The following PTPN14 variants were observed in gnomAD, a reference collection of about 807,000 sequenced individuals.
PTPN14 encodes tyrosine-protein phosphatase non-receptor type 14.
PTPN14 carries 53 observed loss-of-function variants against 126.8 expected under a neutral mutation model. That is an observed-to-expected ratio of 0.42 (90% CI 0.34 to 0.53). The LOEUF (loss-of-function observed/expected upper bound fraction) is 0.53, where lower values mean the gene tolerates loss of function less well. Ranked by LOEUF, PTPN14 falls within the 20% of genes least tolerant of loss-of-function variation. The probability of loss-of-function intolerance (pLI) is 0.08; values close to 1 mark genes in which losing one functional copy is unlikely to be tolerated. For missense variants in PTPN14, 1,257 were observed against 1,552.9 expected (o/e 0.81, Z 3.20); for synonymous variants, 630 against 599.3 (o/e 1.05, Z -0.75).
chr1:214,546,755 C>G (rs1019340475), intron 1 of PTPN14, among the ~76,000 whole-genome samples: 7 of 152,090 alleles, frequency 4.6e-5, no homozygotes. Context: ...CGGGGTCAAA[C>G]TAATTGACGA....
chr1:214,448,571 A>G (rs1034203640), intron 3 of PTPN14, among the ~76,000 whole-genome samples: 2 of 152,196 alleles, frequency 1.3e-5, no homozygotes, highest in Admixed American at 1.3e-4. Context: ...ATTTTAAACA[A>G]TAACATCCTC....
At chr1:214,362,131 A>G (rs1657970398) in intron 18 of PTPN14, among the ~76,000 whole-genome samples, 1 of 152,142 alleles carries the variant, frequency 6.6e-6, no homozygotes, top group African/African-American at 2.4e-5. Context: ...CACAAAATAA[A>G]CTAAACATGG....
chr1:214,536,177 T>TGGGGGA (rs1655700063), intron 1 of PTPN14, among the ~76,000 whole-genome samples: 1 of 28,172 alleles, frequency 3.5e-5, no homozygotes, highest in Non-Finnish European at 7.1e-5. Context: ...GGGGTGGGGG[T>TGGGGGA]GGGGGAGATA....
At chr1:214,391,647 C>A (rs1043132751) in intron 10 of PTPN14, among the ~76,000 whole-genome samples, 1 of 150,730 alleles carries the variant, frequency 6.6e-6, no homozygotes, top group Non-Finnish European at 1.5e-5. Context: ...ATCAAAGACG[C>A]CTTCAAGCAA....
At chr1:214,359,049 A>T (rs1200699238) in intron 18 of PTPN14, among the ~76,000 whole-genome samples, 1 of 151,796 alleles carries the variant, frequency 6.6e-6, no homozygotes, top group Non-Finnish European at 1.5e-5. Context: ...TGACCTCATT[A>T]TTCCTTTATT....
chr1:214,550,068 T>C (rs916189638), intron 1 of PTPN14, among the ~76,000 whole-genome samples: 1 of 152,198 alleles, frequency 6.6e-6, no homozygotes, highest in Non-Finnish European at 1.5e-5. Flanking sequence ...TAGTGCACCC[T>C]TCACCAGGAC....
intron 1 of PTPN14, among the ~76,000 whole-genome samples, chr1:214,549,446 T>C (rs1189214937): frequency 1.3e-5 from 2 of 152,118 alleles, no homozygotes; most frequent in Non-Finnish European, 2.9e-5. Flanking sequence ...ATAACAAACT[T>C]AGTGACATAC....
chr1:214,369,269 CAG>C (rs1658157088), intron 17 of PTPN14, among the ~76,000 whole-genome samples, 186 bp downstream of exon 17: 1 of 152,082 alleles, frequency 6.6e-6, no homozygotes, highest in Non-Finnish European at 1.5e-5. Context: ...GAAAGGTAAA[CAG>C]AATAAGTGAC....
At chr1:214,534,813 C>T (rs763697636) in intron 1 of PTPN14, among the ~76,000 whole-genome samples, 47 of 152,110 alleles carry the variant, frequency 3.1e-4, no homozygotes, top group Non-Finnish European at 1.9e-4. Context: ...CTGTGACTTG[C>T]CTGGGAATCA....
intron 3 of PTPN14, among the ~76,000 whole-genome samples, chr1:214,420,812 T>C (rs550935333): frequency 1.3e-5 from 2 of 152,328 alleles, no homozygotes; most frequent in South Asian, 4.1e-4. Context: ...ATCCATAGCA[T>C]TTAAAAGGGC....
chr1:214,464,769 C>G lies in PTPN14; in HGVS notation c.35G>C (p.Arg12Pro). 6.2e-7 allele frequency: 1 copy of G among 1,614,272 alleles called. No homozygotes were observed. Among genetic ancestry groups the G allele is most frequent in the South Asian group, 1.1e-5 (1 of 91,086 alleles). ...GCAGTTCTTGCTCAGGACGTTGTAG[C>G]GCCGTGTCCGGCGGAGCTTCAGACC... ...PFGLKLRRTRRYNVLSKNCFV... is the reference protein window; with the variant it reads ...PFGLKLRRTRPYNVLSKNCFV... The change falls in exon 2 of 19, where the codon CGC becomes CCC. Residue 12 changes from arginine to proline, a missense_variant. Coordinates refer to ENST00000366956, the MANE Select transcript of PTPN14 (RefSeq NM_005401.5).
intron 3 of PTPN14, among the ~76,000 whole-genome samples, chr1:214,436,959 C>T (rs918111063): frequency 3.3e-5 from 5 of 151,402 alleles, no homozygotes; most frequent in Non-Finnish European, 5.9e-5. Context: ...GAAGTAGTCA[C>T]AGATGTCTGG....
chr1:214,504,185 G>A (rs1021375784), intron 1 of PTPN14, among the ~76,000 whole-genome samples: 12 of 152,066 alleles, frequency 7.9e-5, no homozygotes, highest in African/African-American at 1.4e-4. Flanking sequence ...CTGCCTCTCC[G>A]TTAGCCCTAC....
intron 3 of PTPN14, among the ~76,000 whole-genome samples, chr1:214,425,991 G>C (rs1659652849): frequency 8.6e-6 from 1 of 116,358 alleles, no homozygotes; most frequent in South Asian, 3.0e-4. Context: ...TGCCTGTGTA[G>C]TAGGTTAGTC....
At chr1:214,459,789 T>C (rs887655313) in intron 2 of PTPN14, among the ~76,000 whole-genome samples, 2 of 152,206 alleles carry the variant, frequency 1.3e-5, no homozygotes, top group African/African-American at 4.8e-5. Context: ...TTTCTACTAC[T>C]GAGTGCTACT....
At chr1:214,467,599 T>C (rs894905198) in intron 1 of PTPN14, among the ~76,000 whole-genome samples, 1 of 152,200 alleles carries the variant, frequency 6.6e-6, no homozygotes, top group African/African-American at 2.4e-5. Flanking sequence ...GAATGTAAGT[T>C]TGGCAAAATT....
chr1:214,461,322 C>A (rs1264248623), intron 2 of PTPN14, among the ~76,000 whole-genome samples: 2 of 152,066 alleles, frequency 1.3e-5, no homozygotes, highest in African/African-American at 4.8e-5. Flanking sequence ...AATCTAGTTT[C>A]CAAGACTTCA....
rs1657725963 is a variant in PTPN14 at position 214,352,515 on chromosome 1, T to C, written c.*5407A>G. The C allele has an allele frequency of 6.6e-6, 1 of 152,186 alleles. No homozygotes were observed. Among genetic ancestry groups the C allele is most frequent in the Non-Finnish European group, 1.5e-5 (1 of 68,032 alleles). 9.4% of individuals were successfully genotyped at this position (152,186 alleles called of 1,614,324 possible). On this transcript the variant is annotated 3_prime_UTR_variant, in exon 19 of 19. Coordinates refer to ENST00000366956, the MANE Select transcript of PTPN14 (RefSeq NM_005401.5). ...AATTTGATGAGATTTCCCCCACATTTCTCCCTGGCACGTTGCTGTTACTTT... is the reference window on the plus strand; with the variant it reads ...AATTTGATGAGATTTCCCCCACATTCCTCCCTGGCACGTTGCTGTTACTTT...
chr1:214,520,065 A>AATATATAT (rs1553274995), intron 1 of PTPN14, among the ~76,000 whole-genome samples: 92 of 71,096 alleles, frequency 1.3e-3, no homozygotes, highest in African/African-American at 6.1e-3. Flanking sequence ...AAAAAAAAAA[A>AATATATAT]ATATATATAT....
Sources: gnomAD v4.1 joint callset for allele counts (sites outside exome capture counted in the v4.1 genomes callset) on GRCh38, gnomAD v4.1.1 for gene constraint, MANE v1.5 for transcripts, NCBI Gene and HGNC (gene_info 2026-07-23, HGNC 2026-07-21) for gene names.